Variants in GALNT18 observed in about 807,000 individuals in gnomAD.
GALNT18 encodes GalNAc-transferase 18.
In GALNT18, 44 loss-of-function variants were observed where a neutral mutation model predicts 69.5. That is an observed-to-expected ratio of 0.63 (90% CI 0.50 to 0.81). GALNT18 has a LOEUF of 0.81. Among genes scored for constraint, GALNT18 ranks in the 40% least tolerant of loss-of-function variants. GALNT18 has a pLI of 0.00. For missense variants in GALNT18, 715 were observed against 810.0 expected, an observed-to-expected ratio of 0.88 and a Z score of 1.42; for synonymous variants, 364 against 318.2, an observed-to-expected ratio of 1.14 and a Z score of -1.53.
At chr11:11,429,608 G>C (rs1238343855) in intron 3 of GALNT18, among the ~76,000 whole-genome samples, 1 of 148,128 alleles carries the variant, frequency 6.8e-6, no homozygotes, top group African/African-American at 2.5e-5. Flanking sequence ...GCAAGCAAAG[G>C]AGGATTTATC....
At chr11:11,277,381 CTATT>C (rs1465597339) in intron 10 of GALNT18, among the ~76,000 whole-genome samples, 2 of 152,110 alleles carry the variant, frequency 1.3e-5, no homozygotes, top group African/African-American at 4.8e-5. Context: ...TTTATTGCAT[CTATT>C]TGATTCTTCT....
At chr11:11,349,422 G>A (rs1440053138) in intron 6 of GALNT18, among the ~76,000 whole-genome samples, 1 of 152,182 alleles carries the variant, frequency 6.6e-6, no homozygotes, top group East Asian at 1.9e-4. Flanking sequence ...CATGGATGAG[G>A]CTCATATTGC....
rs1858585331 is a variant in GALNT18 at position 11,564,166 on chromosome 11, C to T, written c.235+57193G>A. ...AGAGGTAGAACAACTTTCCCAAGGC[C>T]AGAGAGTTTATAAGCTTCCACGCTA... is the stretch of plus-strand genomic sequence containing the variant. On this transcript the variant is annotated intron_variant, in intron 1 of 10. Coordinates refer to ENST00000227756, the MANE Select transcript of GALNT18 (RefSeq NM_198516.3). The surrounding 1 kb of genome is among the most constrained non-coding windows in gnomAD (Gnocchi z 4.3). Among the ~76,000 whole-genome samples the T allele has an allele frequency of 6.6e-6, 1 of 152,152 alleles. No homozygotes were observed. Among genetic ancestry groups the T allele is most frequent in the Admixed American group, 6.5e-5 (1 of 15,280 alleles).
rs4124075 is a variant in GALNT18, at chr11:11,415,119, T to A, written c.595+17502A>T. Among the ~76,000 whole-genome samples, 80,158 of 152,076 alleles carry A rather than the reference T, an allele frequency of 0.53. 23,965 individuals carry two copies. Among genetic ancestry groups the A allele is most frequent in the East Asian group, 0.82 (4,220 of 5,168 alleles). ...TGGACAGTTCACAGCATGGGTCTCT[T>A]CTCAGGCCACCAGAGTACATCTCTG... On this transcript the variant is annotated intron_variant, in intron 3 of 10. Coordinates refer to ENST00000227756, the MANE Select transcript of GALNT18 (RefSeq NM_198516.3). The surrounding 1 kb of genome is among the most constrained non-coding windows in gnomAD (Gnocchi z 4.1).
At chr11:11,354,753 G>T (rs1850491165) in intron 6 of GALNT18, among the ~76,000 whole-genome samples, 1 of 152,120 alleles carries the variant, frequency 6.6e-6, no homozygotes, top group Non-Finnish European at 1.5e-5. Flanking sequence ...ATACCCAAGT[G>T]CCTACGTCTC....
chr11:11,456,971 T>C (rs1261386770), intron 1 of GALNT18, among the ~76,000 whole-genome samples: 1 of 152,164 alleles, frequency 6.6e-6, no homozygotes, highest in East Asian at 1.9e-4. Flanking sequence ...AGGAAATAGC[T>C]TGCAAAGCTT....
chr11:11,524,729 G>A lies in GALNT18; in HGVS notation c.236-75793C>T, dbSNP rs573417817. ...TATTCTAAGTCACTGATTTGGGGGC[G>A]GGAAGCTGTTTGTTACAATAAAACA... is the stretch of plus-strand genomic sequence containing the variant. On this transcript the variant is annotated intron_variant, in intron 1 of 10. Coordinates refer to ENST00000227756, the MANE Select transcript of GALNT18 (RefSeq NM_198516.3). Among the ~76,000 whole-genome samples, 9 of 152,292 alleles carry A rather than the reference G, an allele frequency of 5.9e-5. No homozygotes were observed. In the South Asian group the frequency reaches 1.5e-3, roughly 25 times the overall value.
At chr11:11,418,730 T>G (rs1455294936) in intron 3 of GALNT18, among the ~76,000 whole-genome samples, 1 of 152,194 alleles carries the variant, frequency 6.6e-6, no homozygotes, top group Admixed American at 6.5e-5. Flanking sequence ...TGGCTGACAC[T>G]TGAGAATGCA....
At chr11:11,561,872 C>T (rs1858517627) in intron 1 of GALNT18, among the ~76,000 whole-genome samples, 2 of 152,322 alleles carry the variant, frequency 1.3e-5, no homozygotes, top group South Asian at 4.1e-4. Context: ...CCACCACACA[C>T]CCTCCCATTT....
intron 9 of GALNT18, among the ~76,000 whole-genome samples, chr11:11,313,624 T>C (rs1055807477): frequency 6.6e-6 from 1 of 152,174 alleles, no homozygotes; most frequent in Non-Finnish European, 1.5e-5. Context: ...GGGCCACATG[T>C]TTAACTAAAC....
rs1216830931 is a variant in GALNT18, at chr11:11,341,039, C to T, written c.1093-35G>A. The T allele has an allele frequency of 6.5e-7, 1 of 1,545,474 alleles. No individual in the cohort carries two copies. On this transcript the variant is annotated intron_variant, in intron 6 of 10. Transcript: ENST00000227756. This position sits in a 1 kb window ranked among gnomAD's most constrained non-coding sequence, Gnocchi z 6.3. ...ACATGGAGCCACTTGTCAGAGCCTGCCTGGCTCTGCCTTTCTACACCAGGC... is the reference window on the plus strand; with the variant it reads ...ACATGGAGCCACTTGTCAGAGCCTGTCTGGCTCTGCCTTTCTACACCAGGC...
intron 2 of GALNT18, 142 bp downstream of exon 2, chr11:11,448,602 C>G: frequency 1.7e-6 from 1 of 592,714 alleles, no homozygotes; most frequent in Admixed American, 3.8e-5. Context: ...TTGCTGAACG[C>G]AAGCCGAGGG....
chr11:11,368,434 G>C (rs1055018594), intron 6 of GALNT18, among the ~76,000 whole-genome samples: 8 of 152,078 alleles, frequency 5.3e-5, no homozygotes, highest in African/African-American at 1.9e-4. Context: ...TCAGAAAATA[G>C]AAATCCTCTC....
In GALNT18 at chr11:11,404,605, G is replaced by T. The variant is rs564227219; in HGVS notation, c.596-25341C>A. Among the ~76,000 whole-genome samples the T allele has an allele frequency of 6.6e-6, 1 of 152,030 alleles. No individual in the cohort carries two copies. Among genetic ancestry groups the T allele is most frequent in the Non-Finnish European group, 1.5e-5 (1 of 68,010 alleles). ...GGCTCCATCCAAACCTAAGCCCTCC[G>T]CCCCACCCTGCGTTCTGGAATTCCT... On this transcript the variant is annotated intron_variant, in intron 3 of 10. Transcript: ENST00000227756. This position sits in a 1 kb window ranked among gnomAD's most constrained non-coding sequence, Gnocchi z 4.5.
At chr11:11,448,090 A>G (rs1292245014) in intron 2 of GALNT18, among the ~76,000 whole-genome samples, 1 of 152,144 alleles carries the variant, frequency 6.6e-6, no homozygotes, top group East Asian at 1.9e-4. Context: ...CTAAAAGAAC[A>G]CGGCCTCCAA....
chr11:11,547,526 C>A (rs1170455619), intron 1 of GALNT18, among the ~76,000 whole-genome samples: 1 of 152,224 alleles, frequency 6.6e-6, no homozygotes, highest in Non-Finnish European at 1.5e-5. Context: ...TCCCCACAAA[C>A]AAAGGAAGGC....
In GALNT18 at chr11:11,497,960, A is replaced by C. The variant is rs1856900824; in HGVS notation, c.236-49024T>G. Among the ~76,000 whole-genome samples the C allele has an allele frequency of 6.6e-6, 1 of 152,156 alleles. No individual in the cohort carries two copies. The highest frequency in any genetic ancestry group is 6.5e-5 in the Admixed American group (1 of 15,282). ...TGTTCAGCTGGTAAAAAAAATAAAA[A>C]ATAAAATTATAATTCATGACTTTTT... On this transcript the variant is annotated intron_variant, in intron 1 of 10. Transcript: ENST00000227756. This position sits in a 1 kb window ranked among gnomAD's most constrained non-coding sequence, Gnocchi z 4.2.
chr11:11,464,988 A>C (rs1282145702), intron 1 of GALNT18, among the ~76,000 whole-genome samples: 1 of 152,132 alleles, frequency 6.6e-6, no homozygotes, highest in African/African-American at 2.4e-5. Context: ...CTGGGGATGG[A>C]ATTACGAGCA....
At chr11:11,474,448 T>C (rs913979189) in intron 1 of GALNT18, among the ~76,000 whole-genome samples, 1 of 152,134 alleles carries the variant, frequency 6.6e-6, no homozygotes, top group African/African-American at 2.4e-5. Context: ...CTTGTTCTAA[T>C]AGCAATGGGA....
Sources: allele counts gnomAD v4.1 joint callset (sites outside exome capture counted in the v4.1 genomes callset), GRCh38; gene constraint gnomAD v4.1.1; non-coding constraint Gnocchi (gnomAD v3.1); transcripts MANE v1.5; gene names NCBI Gene and HGNC (gene_info 2026-07-23, HGNC 2026-07-21).